Variants in CENPC observed in about 807,000 individuals in gnomAD.
The protein encoded by CENPC is CENP-C 1.
A neutral mutation model predicts 112.1 loss-of-function variants in CENPC; 63 were observed. That is an observed-to-expected ratio of 0.56 (90% CI 0.46 to 0.69). CENPC has a LOEUF of 0.69. CENPC is among the 30% of genes least tolerant of loss of function. The probability of loss-of-function intolerance (pLI) is 0.00; values close to 1 mark genes in which losing one functional copy is unlikely to be tolerated. For missense variants in CENPC, 1,000 were observed against 1,103.8 expected (o/e 0.91, Z 1.33); for synonymous variants, 333 against 367.6 (o/e 0.91, Z 1.08).
chr4:67,484,827 C>T (rs1725049760), intron 17 of CENPC, among the ~76,000 whole-genome samples: 2 of 152,204 alleles, frequency 1.3e-5, no homozygotes, highest in Non-Finnish European at 2.9e-5. Flanking sequence ...GGCGCAGTGG[C>T]TCACGCCTGT....
At chr4:67,486,972 T>TG (rs1340313714) in intron 17 of CENPC, among the ~76,000 whole-genome samples, 5 of 150,294 alleles carry the variant, frequency 3.3e-5, no homozygotes, top group Admixed American at 2.6e-4. Context: ...TTTTAGGTTT[T>TG]TTTTTTTTTT....
chr4:67,489,504 T>C (rs1346617045), intron 17 of CENPC, among the ~76,000 whole-genome samples: 2 of 152,086 alleles, frequency 1.3e-5, no homozygotes, highest in African/African-American at 2.4e-5. Context: ...GTTTTATTGA[T>C]ATATAAAAAT....
intron 8 of CENPC, 87 bp downstream of exon 8, chr4:67,513,987 G>T: frequency 7.8e-7 from 1 of 1,277,046 alleles, no homozygotes. Context: ...GGTTTACTTT[G>T]CCTACTTGCC....
rs774979677 is a variant in CENPC, at chr4:67,541,023, G to T, written c.93C>A (p.Gly31=). ...SRARDINTEQ[G]QNVLEILQDC... ...CTTGTAAGATTTCCAGAACATTCTG[G>T]CCTTGCTCTGTGTTAATGTCACGTG... The change falls in exon 3 of 19, where the codon GGC becomes GGA. Residue 31 remains glycine, a synonymous_variant. Coordinates refer to ENST00000273853, the MANE Select transcript of CENPC (RefSeq NM_001812.4). 6.2e-6 allele frequency: 10 copies of T among 1,609,478 alleles called. No individual in the cohort carries two copies. The highest frequency in any genetic ancestry group is 7.6e-6 in the Non-Finnish European group (9 of 1,177,890).
At chr4:67,499,210 A>G (rs184639825) in intron 12 of CENPC, among the ~76,000 whole-genome samples, 2 of 152,348 alleles carry the variant, frequency 1.3e-5, no homozygotes, top group Admixed American at 1.3e-4. Context: ...TTCAACTTAA[A>G]GTCACCAGCT....
chr4:67,491,486 G>T (rs868759525), intron 16 of CENPC, among the ~76,000 whole-genome samples: 185 of 81,822 alleles, frequency 2.3e-3, no homozygotes, highest in African/African-American at 6.0e-3. Flanking sequence ...TATATAGAGA[G>T]AGAGAGAGAG....
intron 12 of CENPC, among the ~76,000 whole-genome samples, chr4:67,501,815 A>G (rs1007209003): frequency 6.6e-6 from 1 of 152,216 alleles, no homozygotes; most frequent in African/African-American, 2.4e-5. Flanking sequence ...ATGATAATAG[A>G]CGTGTATTTA....
intron 14 of CENPC, 103 bp downstream of exon 14, chr4:67,493,781 G>A (rs41278557): frequency 0.22 from 140,854 of 627,466 alleles, 17,599 homozygotes; most frequent in Non-Finnish European, 0.26. Flanking sequence ...ATTTGGGGGG[G>A]TGATGATTAA....
At chr4:67,525,034 C>A (rs1449329378) in intron 5 of CENPC, among the ~76,000 whole-genome samples, 2 of 152,170 alleles carry the variant, frequency 1.3e-5, no homozygotes, top group Non-Finnish European at 2.9e-5. Flanking sequence ...ACATCTACAA[C>A]CGTTTGCTCT....
intron 12 of CENPC, among the ~76,000 whole-genome samples, chr4:67,504,092 CA>C (rs33925641): frequency 0.041 from 4,728 of 114,056 alleles, 95 homozygotes; most frequent in Non-Finnish European, 0.049. Flanking sequence ...GTGAATGGGG[CA>C]AAAAAAAAAA....
chr4:67,488,315 A>G (rs549212170), intron 17 of CENPC, among the ~76,000 whole-genome samples: 1 of 152,168 alleles, frequency 6.6e-6, no homozygotes, highest in South Asian at 2.1e-4. Context: ...AGAATGGTTT[A>G]TCCCATTACT....
At chr4:67,500,536 G>T (rs752018141) in intron 12 of CENPC, among the ~76,000 whole-genome samples, 8 of 152,132 alleles carry the variant, frequency 5.3e-5, no homozygotes, top group East Asian at 3.8e-4. Flanking sequence ...GCAGGAAAAA[G>T]ACTGGAACAT....
intron 3 of CENPC, among the ~76,000 whole-genome samples, 183 bp downstream of exon 3, chr4:67,540,797 G>A (rs183539294): frequency 1.3e-3 from 203 of 152,258 alleles, no homozygotes; most frequent in Non-Finnish European, 1.9e-3. Context: ...TTTTTTGTCA[G>A]TATTATCCTA....
chr4:67,512,488 A>T lies in CENPC; in HGVS notation c.1526T>A (p.Val509Glu). ...GACAGTTGAAGTCACTTCTTCAGGTACAAGTTTGTTCTTGGACTCACTGGA... is the reference window on the plus strand; with the variant it reads ...GACAGTTGAAGTCACTTCTTCAGGTTCAAGTTTGTTCTTGGACTCACTGGA... ...RFSSESKNKL[V>E]PEEVTSTVTK... The change falls in exon 9 of 19, where the codon GTA becomes GAA. Residue 509 changes from valine to glutamate, a missense_variant. By Grantham distance (121) the Val-to-Glu change is moderately radical (BLOSUM62 -2). Transcript: ENST00000273853. 6.3e-7 allele frequency: 1 copy of T among 1,595,954 alleles called. No homozygotes were observed. The highest frequency in any genetic ancestry group is 8.5e-7 in the Non-Finnish European group (1 of 1,170,676).
chr4:67,480,620 C>T (rs944001869), intron 17 of CENPC, among the ~76,000 whole-genome samples: 1 of 152,050 alleles, frequency 6.6e-6, no homozygotes, highest in East Asian at 1.9e-4. Flanking sequence ...GAAATGATTC[C>T]AAAAGACAGA....
In CENPC at chr4:67,500,801, T is replaced by C. The variant is rs181521052; in HGVS notation, c.2131+4404A>G. Among the ~76,000 whole-genome samples the C allele has an allele frequency of 1.3e-3, 201 of 151,984 alleles. 1 individual carries two copies. The highest frequency in any genetic ancestry group is 2.1e-3 in the Non-Finnish European group (142 of 67,954). ...CGGAAGGAATTAAAGAAACAGAAAA[T>C]AGAAAATAATGTGGTACCATCATTA... On this transcript the variant is annotated intron_variant, in intron 12 of 18. Coordinates refer to ENST00000273853, the MANE Select transcript of CENPC (RefSeq NM_001812.4).
chr4:67,477,939 G>A (rs11725269), intron 17 of CENPC, among the ~76,000 whole-genome samples: 94,788 of 151,512 alleles, frequency 0.63, 29,847 homozygotes, highest in East Asian at 0.81. Context: ...AGAATCGAAC[G>A]AGTAGAAGAA....
intron 17 of CENPC, among the ~76,000 whole-genome samples, chr4:67,485,213 A>G (rs960869482): frequency 3.9e-5 from 6 of 152,220 alleles, no homozygotes; most frequent in African/African-American, 1.4e-4. Flanking sequence ...GCAAAAAGCT[A>G]AATCCCTATT....
intron 12 of CENPC, among the ~76,000 whole-genome samples, chr4:67,501,015 G>C (rs1725576300): frequency 6.6e-6 from 1 of 152,074 alleles, no homozygotes; most frequent in African/African-American, 2.4e-5. Context: ...AATCAGGATT[G>C]ATATCATGTC....
Sources: gnomAD v4.1 joint callset for allele counts (sites outside exome capture counted in the v4.1 genomes callset) on GRCh38, gnomAD v4.1.1 for gene constraint, MANE v1.5 for transcripts, NCBI Gene and HGNC (gene_info 2026-07-23, HGNC 2026-07-21) for gene names.